DMD: variants seen among roughly 807,000 people sequenced by gnomAD.
DMD encodes dystrophin, also known as mutant dystrophin.
Under a neutral mutation model 330.1 loss-of-function variants are expected in DMD, and 63 were observed. The ratio of observed to expected loss-of-function variants is 0.19; its 90% confidence interval spans 0.16 to 0.24. The LOEUF is 0.24. DMD is among the 10% of genes least tolerant of loss of function. The pLI is 1.00. For synonymous variants in DMD, 1,223 were observed against 959.8 expected, an observed-to-expected ratio of 1.27 and a Z score of -5.07; for missense variants, 3,344 against 2,684.1, an observed-to-expected ratio of 1.25 and a Z score of -5.43.
intron 62 of DMD, among the ~76,000 whole-genome samples, chrX:31,276,278 C>T (rs1013111679): frequency 7.2e-5 from 8 of 111,611 alleles, no homozygotes; most frequent in Middle Eastern, 4.6e-3. Flanking sequence ...GGGCTGGTGT[C>T]GAACTCCTGA....
intron 47 of DMD, among the ~76,000 whole-genome samples, chrX:31,922,086 C>A (rs1021492610): frequency 6.3e-5 from 7 of 111,429 alleles, no homozygotes; most frequent in African/African-American, 2.3e-4. Context: ...CTTTAATGTT[C>A]CCTCGCCTTT....
chrX:32,143,709 A>T (rs1474393033), intron 44 of DMD, among the ~76,000 whole-genome samples: 1 of 99,305 alleles, frequency 1.0e-5, no homozygotes, highest in African/African-American at 3.7e-5. Context: ...CGCATGGCTA[A>T]TTTTTTTTTT....
At position 31,177,981 on chromosome X, in the gene DMD, A is replaced by C; in HGVS notation, c.10224-11T>G. The C allele has an allele frequency of 8.3e-7, 1 of 1,203,573 alleles. No homozygotes were observed. The highest frequency in any genetic ancestry group is 1.7e-5 in the African/African-American group (1 of 57,694). The stretch of plus-strand genomic sequence containing the variant: ...ATCAGAGTAACGGGACTGCAAAACA[A>C]AAAATGAGGTGGTGAAGGAGACACA... On this transcript the variant is annotated splice_polypyrimidine_tract_variant and intron_variant, in intron 70 of 78. Coordinates refer to ENST00000357033, the MANE Select transcript of DMD (RefSeq NM_004006.3).
intron 77 of DMD, among the ~76,000 whole-genome samples, chrX:31,127,191 G>A (rs978455404): frequency 1.8e-5 from 2 of 112,134 alleles, no homozygotes; most frequent in African/African-American, 6.5e-5. Flanking sequence ...TAGAAGCTGA[G>A]CATTTCCATG....
intron 2 of DMD, among the ~76,000 whole-genome samples, chrX:32,887,228 T>A: frequency 9.1e-6 from 1 of 109,333 alleles, no homozygotes; most frequent in Non-Finnish European, 1.9e-5. Context: ...GAGCCTGTAG[T>A]CCCAGCTACT....
rs187738255 is a variant in DMD at position 32,992,735 on chromosome X, C to T, written c.93+27404G>A. Among the ~76,000 whole-genome samples, 173 of 109,312 alleles carry T rather than the reference C, an allele frequency of 1.6e-3. 1 individual carries two copies. Among genetic ancestry groups the T allele is most frequent in the African/African-American group, 5.5e-3 (164 of 30,058 alleles). 94.9% of individuals were successfully genotyped at this position (109,312 alleles called of 115,157 possible). On this transcript the variant is annotated intron_variant, in intron 2 of 78. Transcript: ENST00000357033. ...CAGCCTGGTCAACATGGTGAAACCCCGTCTCTACTAAAATACAAAAATTAG... is the reference window on the plus strand; with the variant it reads ...CAGCCTGGTCAACATGGTGAAACCCTGTCTCTACTAAAATACAAAAATTAG...
At chrX:33,051,025 A>G (rs1019284754) in intron 1 of DMD, among the ~76,000 whole-genome samples, 4 of 111,575 alleles carry the variant, frequency 3.6e-5, no homozygotes, top group African/African-American at 1.3e-4. Context: ...TTAAATACTG[A>G]AGTTCACATG....
At chrX:31,231,255 TAATA>T (rs2047169721) in intron 63 of DMD, among the ~76,000 whole-genome samples, 1 of 110,953 alleles carries the variant, frequency 9.0e-6, no homozygotes, top group African/African-American at 3.3e-5. Flanking sequence ...AGTATTATTT[TAATA>T]TATAACATAT....
chrX:33,089,839 A>G (rs1413813764), intron 1 of DMD, among the ~76,000 whole-genome samples: 1 of 111,703 alleles, frequency 9.0e-6, no homozygotes, highest in Non-Finnish European at 1.9e-5. Context: ...TCTCGGGAGA[A>G]AAATGAAGTA....
At chrX:32,389,699 C>A (rs779939772) in intron 31 of DMD, 25 bp from the exon 32 acceptor site, 6 of 1,194,936 alleles carry the variant, frequency 5.0e-6, no homozygotes, top group Non-Finnish European at 6.8e-6. Flanking sequence ...TAAAAAGGCA[C>A]TGATTTAATT....
At chrX:33,009,674 G>A (rs755278472) in intron 2 of DMD, among the ~76,000 whole-genome samples, 1 of 47,121 alleles carries the variant, frequency 2.1e-5, no homozygotes. Context: ...ATGTGTATAC[G>A]TATATGTGTA....
Position 32,389,687 on chromosome X carries a change from T to G in DMD, c.4345-13A>C. 8.3e-7 allele frequency: 1 copy of G among 1,205,216 alleles called. No individual in the cohort carries two copies. The highest frequency in any genetic ancestry group is 1.1e-6 in the Non-Finnish European group (1 of 890,752). On this transcript the variant is annotated splice_polypyrimidine_tract_variant and intron_variant, in intron 31 of 78. Transcript: ENST00000357033. ...CTTGTAATTTTTTCTGTAAGGACAG[T>G]GTAAAAAGGCACTGATTTAATTTTG... is the stretch of plus-strand genomic sequence containing the variant.
At chrX:31,341,991 C>G (rs1402739309) in intron 61 of DMD, among the ~76,000 whole-genome samples, 1 of 111,260 alleles carries the variant, frequency 9.0e-6, no homozygotes, top group Non-Finnish European at 1.9e-5. Flanking sequence ...GTAATGCACT[C>G]TGATATTTTC....
rs762484373 is a variant in DMD at position 32,546,449 on chromosome X, C to T, written c.1993-1115G>A. 6.3e-5 allele frequency among the ~76,000 whole-genome samples: 7 copies of T among 110,303 alleles called. 1 individual carries two copies. In the South Asian group the frequency reaches 1.9e-3, roughly 31 times the overall value. On this transcript the variant is annotated intron_variant, in intron 16 of 78. Transcript: ENST00000357033. Reference sequence around the variant, plus strand: ...GTAAGGGAAGGGTTTGTAGTAATCTCCCTGCCTCATACACGAGGACTGATT... The same window carrying T: ...GTAAGGGAAGGGTTTGTAGTAATCTTCCTGCCTCATACACGAGGACTGATT...
intron 1 of DMD, among the ~76,000 whole-genome samples, chrX:33,089,527 CA>C (rs982297321): frequency 2.9e-5 from 3 of 105,036 alleles, no homozygotes; most frequent in South Asian, 4.2e-4. Context: ...GACACCATCT[CA>C]AAAAAAAACA....
intron 30 of DMD, among the ~76,000 whole-genome samples, chrX:32,398,336 G>C (rs886989705): frequency 2.9e-5 from 3 of 102,865 alleles, no homozygotes; most frequent in African/African-American, 1.1e-4. Context: ...AAGAAGTTTT[G>C]ACTTTTATCA....
chrX:31,997,768 G>T, intron 44 of DMD, among the ~76,000 whole-genome samples: 1 of 110,598 alleles, frequency 9.0e-6, no homozygotes, highest in Non-Finnish European at 1.9e-5. Context: ...AAAAGCAGTC[G>T]CCTTAAGCAC....
intron 1 of DMD, among the ~76,000 whole-genome samples, chrX:33,086,543 T>C (rs989277710): frequency 9.1e-6 from 1 of 110,368 alleles, no homozygotes; most frequent in Non-Finnish European, 1.9e-5. Flanking sequence ...TTTTATAGTA[T>C]GAAATGTGGT....
chrX:32,908,238 A>C (rs949302150), intron 2 of DMD, among the ~76,000 whole-genome samples: 2 of 111,407 alleles, frequency 1.8e-5, no homozygotes, highest in African/African-American at 6.5e-5. Context: ...ACGGTATTAT[A>C]ATTTCTCATA....
Sources: gnomAD v4.1 joint callset for allele counts (sites outside exome capture counted in the v4.1 genomes callset) on GRCh38, gnomAD v4.1.1 for gene constraint, MANE v1.5 for transcripts, NCBI Gene and HGNC (gene_info 2026-07-23, HGNC 2026-07-21) for gene names.